MCOLN3: variants seen among roughly 807,000 people sequenced by gnomAD.
MCOLN3 encodes the protein mucolipin-3.
In MCOLN3, 62 loss-of-function variants were observed where a neutral mutation model predicts 69.4. The ratio of observed to expected loss-of-function variants is 0.89; its 90% CI spans 0.73 to 1.10. The LOEUF (loss-of-function observed/expected upper bound fraction) is 1.10. Ranked by LOEUF, MCOLN3 falls within the 50% of genes least tolerant of loss-of-function variation. The pLI is 0.00. For missense variants in MCOLN3, 564 were observed against 656.4 expected (o/e 0.86, Z 1.54); for synonymous variants, 183 against 217.0 (o/e 0.84, Z 1.38).
At chr1:85,021,418 A>C (rs1467172129) in intron 11 of MCOLN3, 142 bp from the exon 12 acceptor site, 2 of 665,268 alleles carry the variant, frequency 3.0e-6, no homozygotes, top group African/African-American at 3.6e-5. Flanking sequence ...GTAACCACAC[A>C]CATTTGCTTT....
chr1:85,033,421 T>C (rs1036452227), intron 4 of MCOLN3, among the ~76,000 whole-genome samples: 1 of 152,218 alleles, frequency 6.6e-6, no homozygotes, highest in Non-Finnish European at 1.5e-5. Context: ...GACAGCATTT[T>C]AGAAAGTTTT....
intron 12 of MCOLN3, among the ~76,000 whole-genome samples, chr1:85,020,085 T>C (rs10443172): frequency 0.78 from 118,652 of 152,156 alleles, 46,336 homozygotes; most frequent in South Asian, 0.81. Flanking sequence ...GTTCTCTGCA[T>C]GCAGAGTTGG....
At chr1:85,048,174 G>A (rs1473616750) in intron 1 of MCOLN3, among the ~76,000 whole-genome samples, 2 of 151,632 alleles carry the variant, frequency 1.3e-5, no homozygotes, top group South Asian at 2.1e-4. Flanking sequence ...CGGCAGGCGC[G>A]CTCCTCCACT....
rs186399148 is a variant in MCOLN3 at position 85,018,288 on chromosome 1, C to T, written c.*835G>A. 2.6e-5 allele frequency: 4 copies of T among 152,152 alleles called. No homozygotes were observed. The highest frequency in any genetic ancestry group is 2.6e-4 in the Admixed American group (4 of 15,282). The allele number at this position is 152,152 out of a possible 1,614,324, so 9.4% of individuals were successfully genotyped here. A position where few individuals can be genotyped will look rare whatever the true frequency, so the allele number is the denominator to read the frequency against. Reference sequence around the variant, plus strand: ...AACGATGTTTTGGTCAATGATGTACCGCATATACAATGGTGGTCCCAGAAG... The same window carrying T: ...AACGATGTTTTGGTCAATGATGTACTGCATATACAATGGTGGTCCCAGAAG... On this transcript the variant is annotated 3_prime_UTR_variant, in exon 13 of 13. Coordinates refer to ENST00000370589, the MANE Select transcript of MCOLN3 (RefSeq NM_018298.11).
intron 4 of MCOLN3, among the ~76,000 whole-genome samples, 169 bp from the exon 5 acceptor site, chr1:85,033,125 G>A (rs994393966): frequency 4.6e-5 from 7 of 152,116 alleles, no homozygotes; most frequent in Admixed American, 6.5e-5. Context: ...CATGGTTACC[G>A]TGACTCATGT....
At chr1:85,042,599 A>G (rs781501064) in intron 2 of MCOLN3, among the ~76,000 whole-genome samples, 8 of 152,192 alleles carry the variant, frequency 5.3e-5, no homozygotes, top group Non-Finnish European at 1.0e-4. Context: ...TGAGCTAGGG[A>G]CTGAGGATAC....
intron 3 of MCOLN3, among the ~76,000 whole-genome samples, chr1:85,036,159 C>T (rs751620299): frequency 6.6e-6 from 1 of 152,182 alleles, no homozygotes; most frequent in Admixed American, 6.5e-5. Flanking sequence ...CTTGCACACA[C>T]AAAAAGTGCC....
chr1:85,029,177 C>G lies in MCOLN3; in HGVS notation c.761G>C (p.Gly254Ala), dbSNP rs748279796. 1.2e-6 allele frequency: 2 copies of G among 1,604,126 alleles called. No individual in the cohort carries two copies. The highest frequency in any genetic ancestry group is 1.7e-6 in the Non-Finnish European group (2 of 1,171,116). ...TITFDNKAHSGRIKISLDNDI... is the reference protein window; with the variant it reads ...TITFDNKAHSARIKISLDNDI... ...ATTATCTAAACTTATTTTAATTCTTCCACTATGGGCCTTGTTGTCAAATGT... is the reference window on the plus strand; with the variant it reads ...ATTATCTAAACTTATTTTAATTCTTGCACTATGGGCCTTGTTGTCAAATGT... The change falls in exon 7 of 13, where the codon GGA becomes GCA. Residue 254 changes from glycine (G) to alanine (A), a missense_variant. Coordinates refer to ENST00000370589, the MANE Select transcript of MCOLN3 (RefSeq NM_018298.11).
In MCOLN3 at chr1:85,041,189, A is replaced by G. The variant is rs1179153364; in HGVS notation, c.229-12T>C. On this transcript the variant is annotated splice_polypyrimidine_tract_variant and intron_variant, in intron 2 of 12. Coordinates refer to ENST00000370589, the MANE Select transcript of MCOLN3 (RefSeq NM_018298.11). ...CCAAATAAGACCAGCTTAAAAGAAAAAAAAGAAAAGGTAAGAGGGTGGAAA... is the reference window on the plus strand; with the variant it reads ...CCAAATAAGACCAGCTTAAAAGAAAGAAAAGAAAAGGTAAGAGGGTGGAAA... 1.2e-6 allele frequency: 2 copies of G among 1,609,168 alleles called. No homozygotes were observed.
At chr1:85,035,628 CA>C (rs1029285176) in intron 3 of MCOLN3, among the ~76,000 whole-genome samples, 9 of 152,158 alleles carry the variant, frequency 5.9e-5, no homozygotes, top group Admixed American at 3.9e-4. Flanking sequence ...ATTATCTCTG[CA>C]AAAGAATCAC....
intron 1 of MCOLN3, chr1:85,047,423 C>T (rs1221283351): frequency 1.3e-5 from 2 of 152,322 alleles, no homozygotes; most frequent in Admixed American, 1.3e-4. Flanking sequence ...GCCAGCCACC[C>T]TTGACATTCA....
In MCOLN3 at chr1:85,019,083, C is replaced by T. The variant is rs1426206163; in HGVS notation, c.*40G>A. On this transcript the variant is annotated 3_prime_UTR_variant, in exon 13 of 13. Transcript: ENST00000370589. ...TATCCACAGTGTTCCAACTCAGCTA[C>T]ACATTATATTTTCCTCTAAAGTACA... 6.3e-7 allele frequency: 1 copy of T among 1,591,272 alleles called. No individual in the cohort carries two copies. The highest frequency in any genetic ancestry group is 2.2e-5 in the East Asian group (1 of 44,686).
At position 85,021,154 on chromosome 1, in the gene MCOLN3, G is replaced by GT. The variant is rs749701732; in HGVS notation, c.1442dup (p.Tyr481Ter). The GT allele has an allele frequency of 6.2e-7, 1 of 1,612,000 alleles. No individual in the cohort carries two copies. The highest frequency in any genetic ancestry group is 8.5e-7 in the Non-Finnish European group (1 of 1,178,368). Residue 481 changes from tyrosine to a stop codon, truncating the protein, a stop_gained and frameshift_variant, in exon 12 of 13, where the codon TAC becomes TAAC. Transcript: ENST00000370589. LOFTEE classifies it high-confidence loss of function. ...TAAAGAGGCTGATGAATGAGTAGAG[G>GT]TAAATTCTACTAAACAGCCAGACTA... ...SYLVWLFSRI[Y>*]LYSFISLFIY...
intron 6 of MCOLN3, among the ~76,000 whole-genome samples, chr1:85,031,718 G>A (rs1254062970): frequency 2.6e-5 from 4 of 152,002 alleles, no homozygotes; most frequent in Non-Finnish European, 4.4e-5. Flanking sequence ...GTAGCTACAT[G>A]GGCAAATAAA....
At chr1:85,027,630 T>C (rs566900982) in intron 7 of MCOLN3, among the ~76,000 whole-genome samples, 1 of 152,292 alleles carries the variant, frequency 6.6e-6, no homozygotes, top group South Asian at 2.1e-4. Flanking sequence ...ATGCTAAAGT[T>C]TGAGACCTAC....
At chr1:85,029,410 C>G in intron 6 of MCOLN3, 1 of 512,004 alleles carries the variant, frequency 2.0e-6, no homozygotes, top group Non-Finnish European at 3.5e-6. Context: ...CTACAGAGAC[C>G]CTGTAGTCTC....
At chr1:85,021,552 G>C (rs1651940373) in intron 11 of MCOLN3, among the ~76,000 whole-genome samples, 1 of 152,190 alleles carries the variant, frequency 6.6e-6, no homozygotes, top group Admixed American at 6.5e-5. Context: ...ATCAAGCCTT[G>C]CATCTGCCCT....
In MCOLN3 at chr1:85,021,346, AT is replaced by A; in HGVS notation, c.1321-71del. 3 of 1,300,112 alleles carry A rather than the reference AT, an allele frequency of 2.3e-6. No homozygotes were observed. In the South Asian group the frequency reaches 4.0e-5, roughly 17 times the overall value. The allele number at this position is 1,300,112 out of a possible 1,614,324, so 80.5% of individuals were successfully genotyped here. On this transcript the variant is annotated intron_variant, in intron 11 of 12. Transcript: ENST00000370589. ...CCCATTGGAGACCTTTGTTCATGAC[AT>A]TGTATTAAACATAAAGGGACCAGAT...
chr1:85,044,184 A>C (rs1261077188), intron 2 of MCOLN3, among the ~76,000 whole-genome samples: 2 of 152,226 alleles, frequency 1.3e-5, no homozygotes, highest in Non-Finnish European at 2.9e-5. Flanking sequence ...GTTTCCCTTG[A>C]TACAACACCT....
Sources: allele counts gnomAD v4.1 joint callset (sites outside exome capture counted in the v4.1 genomes callset), GRCh38; gene constraint gnomAD v4.1.1; transcripts MANE v1.5; gene names NCBI Gene and HGNC (gene_info 2026-07-23, HGNC 2026-07-21).